XKR6: variants seen among roughly 807,000 people sequenced by gnomAD.
XKR6 encodes the protein XK related 6.
XKR6 carries 22 observed loss-of-function variants against 56.7 expected under a neutral mutation model. That is an observed-to-expected ratio of 0.39 (90% CI 0.28 to 0.55). The LOEUF (loss-of-function observed/expected upper bound fraction) is 0.55. XKR6 is among the 20% of genes least tolerant of loss of function. The pLI, the probability that XKR6 is intolerant of heterozygous loss-of-function variation, is 0.66. For missense variants in XKR6, 852 were observed against 889.0 expected (o/e 0.96, Z 0.53); for synonymous variants, 524 against 387.8 (o/e 1.35, Z -4.13).
At chr8:11,047,867 C>G (rs1490172487) in intron 1 of XKR6, among the ~76,000 whole-genome samples, 1 of 152,208 alleles carries the variant, frequency 6.6e-6, no homozygotes, top group African/African-American at 2.4e-5. Context: ...GGAACAGGCT[C>G]AGTGGATGAC....
rs555537424 is a variant in XKR6, at chr8:11,144,041, C to G, written c.764+56535G>C. 1.4e-4 allele frequency among the ~76,000 whole-genome samples: 22 copies of G among 152,118 alleles called. No individual in the cohort carries two copies. In the South Asian group the frequency reaches 3.3e-3, roughly 23 times the overall value. ...TTCTTTTAAGAAGTTGCCAGCCAGA[C>G]TGGATTAAGACCCCCCGTCAATGAC... is the stretch of plus-strand genomic sequence containing the variant. On this transcript the variant is annotated intron_variant, in intron 1 of 2. Coordinates refer to ENST00000416569, the MANE Select transcript of XKR6 (RefSeq NM_173683.4).
At chr8:11,031,144 T>G (rs1586453056) in intron 1 of XKR6, among the ~76,000 whole-genome samples, 1 of 152,136 alleles carries the variant, frequency 6.6e-6, no homozygotes, top group Non-Finnish European at 1.5e-5. Context: ...GAACCAGAGG[T>G]GGGCTCCTGA....
chr8:11,091,611 G>A (rs1798077092), intron 1 of XKR6, among the ~76,000 whole-genome samples: 1 of 152,126 alleles, frequency 6.6e-6, no homozygotes, highest in Non-Finnish European at 1.5e-5. Flanking sequence ...AATAGGGGAG[G>A]AGGCAGTGGG....
chr8:11,161,642 T>C (rs1801818993), intron 1 of XKR6, among the ~76,000 whole-genome samples: 1 of 152,362 alleles, frequency 6.6e-6, no homozygotes, highest in East Asian at 1.9e-4. Context: ...CTGTAAACAC[T>C]TTCAGTGGCT....
intron 2 of XKR6, among the ~76,000 whole-genome samples, chr8:10,906,756 G>A (rs1353309125): frequency 1.3e-5 from 2 of 152,166 alleles, no homozygotes; most frequent in Non-Finnish European, 2.9e-5. Context: ...CAAAGAGGCT[G>A]GGCGTGGTGG....
At chr8:11,011,077 G>C (rs1162246078) in intron 1 of XKR6, among the ~76,000 whole-genome samples, 1 of 152,190 alleles carries the variant, frequency 6.6e-6, no homozygotes, top group Non-Finnish European at 1.5e-5. Context: ...GCTGAGGCTT[G>C]GGCCAGCTCA....
chr8:11,017,064 C>T (rs4074693), intron 1 of XKR6, among the ~76,000 whole-genome samples: 4,379 of 152,220 alleles, frequency 0.029, 208 homozygotes, highest in African/African-American at 0.099. Flanking sequence ...AGATCATAGA[C>T]AGATGGATGA....
chr8:10,917,802 G>C (rs1455392737), intron 2 of XKR6, among the ~76,000 whole-genome samples: 4 of 152,200 alleles, frequency 2.6e-5, no homozygotes, highest in Non-Finnish European at 5.9e-5. Flanking sequence ...CACTAACTGA[G>C]TCCGTCACCT....
At chr8:11,104,673 C>G (rs1355539331) in intron 1 of XKR6, 1 of 152,146 alleles carries the variant, frequency 6.6e-6, no homozygotes, top group Non-Finnish European at 1.5e-5. Context: ...AAAATAATAC[C>G]AGTTATAACC....
chr8:10,985,144 G>A (rs978426833), intron 1 of XKR6, among the ~76,000 whole-genome samples: 7 of 151,878 alleles, frequency 4.6e-5, no homozygotes, highest in African/African-American at 1.5e-4. Context: ...GGGGTGATAC[G>A]GTTTTGCTGT....
Position 11,127,529 on chromosome 8 carries a change from T to A in XKR6, c.764+73047A>T, listed in dbSNP as rs181304884. 3.4e-3 allele frequency among the ~76,000 whole-genome samples: 513 copies of A among 152,320 alleles called. 2 individuals carry two copies. The highest frequency in any genetic ancestry group is 0.012 in the African/African-American group (486 of 41,564). On this transcript the variant is annotated intron_variant, in intron 1 of 2. Transcript: ENST00000416569. ...CTAGAGAAGAATCCACTCCCTGGCC[T>A]TTTCCAGCTTCTAGGGACCACATAT... is the stretch of plus-strand genomic sequence containing the variant.
intron 1 of XKR6, among the ~76,000 whole-genome samples, chr8:11,075,171 C>A (rs138230388): frequency 0.016 from 2,411 of 152,244 alleles, 67 homozygotes; most frequent in African/African-American, 0.056. Context: ...GGCTTGAACT[C>A]TGGGGAAAAA....
chr8:10,910,816 G>C (rs1207849663), intron 2 of XKR6, among the ~76,000 whole-genome samples: 4 of 152,180 alleles, frequency 2.6e-5, no homozygotes, highest in South Asian at 2.1e-4. Flanking sequence ...CTGCATAAAG[G>C]CAAACTTTAG....
At chr8:11,106,076 A>G (rs756502494) in intron 1 of XKR6, 14 of 152,224 alleles carry the variant, frequency 9.2e-5, no homozygotes, top group Non-Finnish European at 1.8e-4. Context: ...TACATACATA[A>G]AGGAAAAATT....
chr8:10,951,077 C>T (rs1221417674), intron 1 of XKR6, among the ~76,000 whole-genome samples: 1 of 152,202 alleles, frequency 6.6e-6, no homozygotes, highest in Non-Finnish European at 1.5e-5. Context: ...CGGAGTCACC[C>T]ATCCATCCAC....
intron 1 of XKR6, among the ~76,000 whole-genome samples, chr8:11,009,183 G>A (rs1457663210): frequency 6.6e-6 from 1 of 152,086 alleles, no homozygotes; most frequent in African/African-American, 2.4e-5. Context: ...GTGTGTGTAA[G>A]TGGTGCATGT....
At chr8:11,185,740 G>C (rs943327031) in intron 1 of XKR6, among the ~76,000 whole-genome samples, 8 of 152,214 alleles carry the variant, frequency 5.3e-5, no homozygotes, top group African/African-American at 1.9e-4. Flanking sequence ...ATGAGTCTTG[G>C]GCACATGGCT....
chr8:10,916,560 G>T (rs959764743), intron 2 of XKR6, among the ~76,000 whole-genome samples: 2 of 152,190 alleles, frequency 1.3e-5, no homozygotes, highest in Non-Finnish European at 2.9e-5. Flanking sequence ...CTGATCAACC[G>T]ATCCAACTGA....
chr8:11,093,335 G>A (rs1308800970), intron 1 of XKR6, among the ~76,000 whole-genome samples: 1 of 152,228 alleles, frequency 6.6e-6, no homozygotes, highest in Non-Finnish European at 1.5e-5. Context: ...GATTTCAGGA[G>A]TGAGCCACCA....
Sources: allele counts gnomAD v4.1 joint callset (sites outside exome capture counted in the v4.1 genomes callset), GRCh38; gene constraint gnomAD v4.1.1; transcripts MANE v1.5; gene names NCBI Gene and HGNC (gene_info 2026-07-23, HGNC 2026-07-21).